MSR1: variants seen among roughly 807,000 people sequenced by gnomAD.
MSR1 encodes macrophage scavenger receptor 1.
A neutral mutation model predicts 47.2 loss-of-function variants in MSR1; 53 were observed. The ratio of observed to expected loss-of-function variants is 1.12; its 90% CI spans 0.90 to 1.41. MSR1 has a LOEUF of 1.41. Among genes scored for constraint, MSR1 ranks in the 40% most tolerant of loss-of-function variants. The pLI, the probability that MSR1 is intolerant of heterozygous loss-of-function variation, is 0.00. For synonymous variants in MSR1, 239 were observed against 185.6 expected (o/e 1.29, Z -2.34); for missense variants, 786 against 546.9 (o/e 1.44, Z -4.36).
intron 9 of MSR1, among the ~76,000 whole-genome samples, chr8:16,120,194 G>A (rs1342210399): frequency 1.3e-5 from 2 of 151,782 alleles, no homozygotes; most frequent in African/African-American, 4.8e-5. Context: ...TGGCTAACAC[G>A]GTGAAACCCC....
At chr8:16,186,229 T>G (rs185552921) in intron 1 of MSR1, 1 of 1,532,998 alleles carries the variant, frequency 6.5e-7, no homozygotes, top group African/African-American at 1.4e-5. Flanking sequence ...TTTATTTATT[T>G]CTGGGTATTC....
intron 9 of MSR1, among the ~76,000 whole-genome samples, chr8:16,111,777 T>C (rs1799761105): frequency 6.6e-6 from 1 of 152,118 alleles, no homozygotes; most frequent in South Asian, 2.1e-4. Context: ...CTCAAATAAC[T>C]TTCAAAAACT....
chr8:16,156,197 A>G (rs1801001004), intron 5 of MSR1, among the ~76,000 whole-genome samples: 1 of 151,974 alleles, frequency 6.6e-6, no homozygotes, highest in Non-Finnish European at 1.5e-5. Context: ...GAATAAGGAA[A>G]TAGTGATATT....
At chr8:16,150,143 T>TGA (rs1365983615) in intron 7 of MSR1, 88 bp downstream of exon 7, 1 of 21,026 alleles carries the variant, frequency 4.8e-5, no homozygotes, top group African/African-American at 1.5e-4. Flanking sequence ...TGTGTGTGTA[T>TGA]ATATATATAT....
intron 8 of MSR1, among the ~76,000 whole-genome samples, chr8:16,136,940 G>T (rs1800405261): frequency 6.6e-6 from 1 of 151,892 alleles, no homozygotes; most frequent in Admixed American, 6.6e-5. Flanking sequence ...AACTGTCAAG[G>T]ATGAGCAGCA....
chr8:16,113,825 T>G (rs1421937232), intron 9 of MSR1, among the ~76,000 whole-genome samples: 1 of 152,118 alleles, frequency 6.6e-6, no homozygotes, highest in African/African-American at 2.4e-5. Context: ...GGATGTTCCA[T>G]CTGGTGGAGA....
Position 16,154,061 on chromosome 8 carries a change from T to A in MSR1, c.898+1003A>T, listed in dbSNP as rs190662607. On this transcript the variant is annotated intron_variant, in intron 6 of 9. Coordinates refer to ENST00000262101, the MANE Select transcript of MSR1 (RefSeq NM_138715.3). ...CTATCTTCACATATAATATGCCATATATATTTATATACATATATATACATA... is the reference window on the plus strand; with the variant it reads ...CTATCTTCACATATAATATGCCATAAATATTTATATACATATATATACATA... Among the ~76,000 whole-genome samples, 685 of 151,884 alleles carry A rather than the reference T, an allele frequency of 4.5e-3. 8 individuals are homozygous for A. Among genetic ancestry groups the A allele is most frequent in the Non-Finnish European group, 7.0e-3 (473 of 67,898 alleles).
chr8:16,169,849 G>A (rs1275534379), intron 3 of MSR1, among the ~76,000 whole-genome samples: 1 of 151,712 alleles, frequency 6.6e-6, no homozygotes, highest in Non-Finnish European at 1.5e-5. Flanking sequence ...TATAGCCAAT[G>A]TTTTGATGAA....
At chr8:16,160,962 G>C (rs892435312) in intron 5 of MSR1, among the ~76,000 whole-genome samples, 1 of 150,100 alleles carries the variant, frequency 6.7e-6, no homozygotes, top group East Asian at 2.0e-4. Flanking sequence ...GCAAGAGAGA[G>C]AAAAGACACA....
chr8:16,183,064 C>G (rs1367349871), intron 1 of MSR1, among the ~76,000 whole-genome samples: 2 of 152,100 alleles, frequency 1.3e-5, no homozygotes, highest in Non-Finnish European at 2.9e-5. Context: ...CCATTATAAT[C>G]TTATGGGACC....
At position 16,148,890 on chromosome 8, in the gene MSR1, A is replaced by G. The variant is rs563693689; in HGVS notation, c.979+1341T>C. 3.3e-5 allele frequency among the ~76,000 whole-genome samples: 5 copies of G among 152,186 alleles called. No individual in the cohort carries two copies. The South Asian group carries it at 1.0e-3, about 32-fold the overall frequency. On this transcript the variant is annotated intron_variant, in intron 7 of 9. Coordinates refer to ENST00000262101, the MANE Select transcript of MSR1 (RefSeq NM_138715.3). ...ATCAGACCATGGAAAGATATAGAGA[A>G]ACCTTACATTCATATTGCTAAGTGA...
intron 9 of MSR1, among the ~76,000 whole-genome samples, chr8:16,115,143 C>T (rs1799849242): frequency 6.6e-6 from 1 of 152,072 alleles, no homozygotes; most frequent in Non-Finnish European, 1.5e-5. Context: ...TGTGCCACTG[C>T]ACTCCAGCCT....
chr8:16,151,938 T>C (rs1800872438), intron 6 of MSR1, among the ~76,000 whole-genome samples: 1 of 152,108 alleles, frequency 6.6e-6, no homozygotes, highest in Non-Finnish European at 1.5e-5. Context: ...TTACTGTGCA[T>C]TGCACCTGTA....
chr8:16,156,143 GAAGA>G (rs1800999592), intron 5 of MSR1, among the ~76,000 whole-genome samples: 1 of 151,652 alleles, frequency 6.6e-6, no homozygotes, highest in Non-Finnish European at 1.5e-5. Flanking sequence ...TTCAACACCA[GAAGA>G]AAGAAACAGA....
chr8:16,178,037 C>A (rs778603298), intron 1 of MSR1, 45 bp from the exon 2 acceptor site: 3 of 1,435,598 alleles, frequency 2.1e-6, no homozygotes, highest in Non-Finnish European at 2.9e-6. Context: ...CATGAAATGG[C>A]TAGGGCTCTT....
intron 1 of MSR1, among the ~76,000 whole-genome samples, chr8:16,184,725 C>T (rs1022801475): frequency 7.9e-5 from 12 of 152,052 alleles, no homozygotes; most frequent in African/African-American, 2.9e-4. Flanking sequence ...GTTTATGAAA[C>T]ATTTTGCTTT....
rs544688738 is a variant in MSR1 at position 16,176,301 on chromosome 8, G to C, written c.104-1001C>G. Among the ~76,000 whole-genome samples, 14 of 152,232 alleles carry C rather than the reference G, an allele frequency of 9.2e-5. No individual in the cohort carries two copies. In the East Asian group the frequency reaches 2.5e-3, roughly 27 times the overall value. On this transcript the variant is annotated intron_variant, in intron 2 of 9. Coordinates refer to ENST00000262101, the MANE Select transcript of MSR1 (RefSeq NM_138715.3). ...GCGGGAGGATGGCTTGAGCCTAGGA[G>C]TTTGAGACCAGCCTGGGCAACATGG...
chr8:16,182,073 C>T (rs1801849175), intron 1 of MSR1, among the ~76,000 whole-genome samples: 1 of 152,174 alleles, frequency 6.6e-6, no homozygotes, highest in Non-Finnish European at 1.5e-5. Flanking sequence ...AAACCCACCC[C>T]AGGCTGTGTG....
At chr8:16,192,439 T>G (rs1687861162) in intron 1 of MSR1, among the ~76,000 whole-genome samples, 159 bp downstream of exon 1, 1 of 134,888 alleles carries the variant, frequency 7.4e-6, no homozygotes, top group Admixed American at 7.7e-5. Context: ...CAAACCAAAT[T>G]ATTGCTGATA....
Sources: gnomAD v4.1 joint callset for allele counts (sites outside exome capture counted in the v4.1 genomes callset) on GRCh38, gnomAD v4.1.1 for gene constraint, MANE v1.5 for transcripts, NCBI Gene and HGNC (gene_info 2026-07-23, HGNC 2026-07-21) for gene names.